Variants in INPP5F observed in about 807,000 individuals in gnomAD.
INPP5F encodes the protein phosphatidylinositide 4-phosphatase SAC2.
INPP5F carries 97 observed loss-of-function variants against 137.2 expected under a neutral mutation model. That is an observed-to-expected ratio of 0.71 (90% CI 0.60 to 0.84). The LOEUF is 0.84. Ranked by LOEUF, INPP5F falls within the 40% of genes least tolerant of loss-of-function variation. The pLI, the probability that INPP5F is intolerant of heterozygous loss-of-function variation, is 0.00. For synonymous variants in INPP5F, 504 were observed against 476.9 expected (o/e 1.06, Z -0.74); for missense variants, 1,271 against 1,371.9 (o/e 0.93, Z 1.16).
chr10:119,764,677 G>A (rs1044714075), intron 2 of INPP5F, among the ~76,000 whole-genome samples: 15 of 151,322 alleles, frequency 9.9e-5, no homozygotes, highest in Admixed American at 4.6e-4. Flanking sequence ...CGCCTCCCGG[G>A]TTCAAGCGAT....
chr10:119,771,834 T>G (rs1849344258), intron 2 of INPP5F, among the ~76,000 whole-genome samples: 1 of 119,676 alleles, frequency 8.4e-6, no homozygotes, highest in Admixed American at 9.2e-5. Context: ...CCATACTCCA[T>G]AAAGTATGGA....
intron 16 of INPP5F, among the ~76,000 whole-genome samples, chr10:119,822,086 C>G (rs1455938968): frequency 6.6e-6 from 1 of 151,964 alleles, no homozygotes; most frequent in Admixed American, 6.6e-5. Context: ...GACGGGGTTT[C>G]TCCGTGTTGG....
intron 2 of INPP5F, among the ~76,000 whole-genome samples, chr10:119,772,896 C>T (rs1192037673): frequency 3.3e-5 from 5 of 151,260 alleles, no homozygotes; most frequent in East Asian, 3.9e-4. Flanking sequence ...ATTATAGGCA[C>T]GCACCACCAT....
At chr10:119,778,763 T>C (rs1849607024) in intron 2 of INPP5F, among the ~76,000 whole-genome samples, 1 of 152,202 alleles carries the variant, frequency 6.6e-6, no homozygotes, top group Non-Finnish European at 1.5e-5. Context: ...CCAAATAGTT[T>C]TCTGAAGTTA....
intron 2 of INPP5F, among the ~76,000 whole-genome samples, chr10:119,753,256 T>G (rs543540110): frequency 6.6e-6 from 1 of 152,250 alleles, no homozygotes; most frequent in Non-Finnish European, 1.5e-5. Flanking sequence ...CAGTCACATC[T>G]TAGCACAGTG....
chr10:119,793,952 A>C (rs954069060), intron 6 of INPP5F, among the ~76,000 whole-genome samples: 3 of 152,244 alleles, frequency 2.0e-5, no homozygotes, highest in African/African-American at 7.2e-5. Context: ...GACCAGAAGA[A>C]GAAATCTTTA....
Position 119,804,172 on chromosome 10 carries a change from G to A in INPP5F, c.1117-1G>A. ...TTTTTTCTGTTTCTTTGCTCTTATA[G>A]GTTATTATTAACTTGGTAGACCAGG... is the stretch of plus-strand genomic sequence containing the variant. On this transcript the variant is annotated splice_acceptor_variant, in intron 9 of 19. Coordinates refer to ENST00000650623, the MANE Select transcript of INPP5F (RefSeq NM_014937.4). LOFTEE classifies it high-confidence loss of function. 1 of 1,601,156 alleles carries A rather than the reference G, an allele frequency of 6.2e-7. No individual in the cohort carries two copies. The highest frequency in any genetic ancestry group is 8.5e-7 in the Non-Finnish European group (1 of 1,172,952).
chr10:119,784,088 T>G (rs1849795938), intron 3 of INPP5F, among the ~76,000 whole-genome samples: 1 of 152,252 alleles, frequency 6.6e-6, no homozygotes, highest in Non-Finnish European at 1.5e-5. Context: ...GAACCACATG[T>G]TGAAAATCAC....
intron 2 of INPP5F, among the ~76,000 whole-genome samples, chr10:119,774,222 A>G (rs1252189300): frequency 7.1e-6 from 1 of 140,452 alleles, no homozygotes; most frequent in Non-Finnish European, 1.5e-5. Context: ...AGATCACGCC[A>G]CTGTACTCCA....
At chr10:119,733,917 G>A (rs1848154526) in intron 1 of INPP5F, among the ~76,000 whole-genome samples, 1 of 152,220 alleles carries the variant, frequency 6.6e-6, no homozygotes, top group South Asian at 2.1e-4. Flanking sequence ...TTTTGTGAAA[G>A]TTGTACTGAA....
At chr10:119,792,275 G>A (rs1008437853) in intron 6 of INPP5F, 62 bp downstream of exon 6, 9 of 1,189,068 alleles carry the variant, frequency 7.6e-6, no homozygotes, top group South Asian at 5.2e-5. Flanking sequence ...TTTCTAAAAC[G>A]TCTGGTTATA....
In INPP5F at chr10:119,792,955, A is replaced by G. The variant is rs142192834; in HGVS notation, c.669+742A>G. On this transcript the variant is annotated intron_variant, in intron 6 of 19. Coordinates refer to ENST00000650623, the MANE Select transcript of INPP5F (RefSeq NM_014937.4). ...TCCCCTTTAGTGGTGGTTAGTATCAATGATTTTCACATAATCTAGTGGTGT... is the reference window on the plus strand; with the variant it reads ...TCCCCTTTAGTGGTGGTTAGTATCAGTGATTTTCACATAATCTAGTGGTGT... Among the ~76,000 whole-genome samples the G allele has an allele frequency of 2.0e-3, 308 of 152,228 alleles. 1 individual carries two copies. The highest frequency in any genetic ancestry group is 7.0e-3 in the African/African-American group (290 of 41,528).
In INPP5F at chr10:119,805,834, G is replaced by A. The variant is rs545140150; in HGVS notation, c.1319+373G>A. 9.3e-4 allele frequency among the ~76,000 whole-genome samples: 142 copies of A among 152,292 alleles called. No homozygotes were observed. In the Middle Eastern group the frequency reaches 0.01, roughly 11 times the overall value. On this transcript the variant is annotated intron_variant, in intron 11 of 19. Coordinates refer to ENST00000650623, the MANE Select transcript of INPP5F (RefSeq NM_014937.4). The stretch of plus-strand genomic sequence containing the variant: ...TTTCAGGCATTTCAAAATTATCAGA[G>A]ACGGAAAATGATTCTGAGTACAGGA...
chr10:119,756,591 G>A (rs1247389700), intron 2 of INPP5F, among the ~76,000 whole-genome samples: 1 of 151,850 alleles, frequency 6.6e-6, no homozygotes, highest in Non-Finnish European at 1.5e-5. Context: ...AGCCAAGATC[G>A]CACCACTGCA....
intron 6 of INPP5F, among the ~76,000 whole-genome samples, chr10:119,794,060 T>C (rs1850239599): frequency 6.6e-6 from 1 of 152,194 alleles, no homozygotes; most frequent in African/African-American, 2.4e-5. Flanking sequence ...TGGGTGTTTC[T>C]CGCAGAGGGG....
Position 119,827,636 on chromosome 10 carries a change from C to T in INPP5F, c.3255C>T (p.Thr1085=), listed in dbSNP as rs759434252. 1.2e-6 allele frequency: 2 copies of T among 1,613,978 alleles called. No individual in the cohort carries two copies. Among genetic ancestry groups the T allele is most frequent in the African/African-American group, 2.7e-5 (2 of 74,888 alleles). ...RSSMVQVASI[T]QAGLTHGINF... Reference sequence around the variant, plus strand: ...CCATGGTCCAGGTTGCTAGTATTACCCAAGCTGGATTAACCCATGGGATAA... The same window carrying T: ...CCATGGTCCAGGTTGCTAGTATTACTCAAGCTGGATTAACCCATGGGATAA... The change falls in exon 20 of 20, where the codon ACC becomes ACT. Residue 1085 remains threonine (T), a synonymous_variant. Transcript: ENST00000650623.
In INPP5F at chr10:119,804,317, A is replaced by AT; in HGVS notation, c.1241+21dup. 2.5e-6 allele frequency: 4 copies of AT among 1,594,592 alleles called. No individual in the cohort carries two copies. The highest frequency in any genetic ancestry group is 3.4e-6 in the Non-Finnish European group (4 of 1,172,284). On this transcript the variant is annotated intron_variant, in intron 10 of 19. Transcript: ENST00000650623. ...GCACTGGTAAGATGGCTTTCGGAGAATAGTGTTGATCAATTGCAGTGTTTT... is the reference window on the plus strand; with the variant it reads ...GCACTGGTAAGATGGCTTTCGGAGAATTAGTGTTGATCAATTGCAGTGTTTT...
intron 6 of INPP5F, among the ~76,000 whole-genome samples, chr10:119,793,104 C>T (rs1365421540): frequency 1.3e-5 from 2 of 152,176 alleles, no homozygotes; most frequent in Non-Finnish European, 2.9e-5. Context: ...AAAGCAGGGG[C>T]ATCTGTAATG....
Position 119,827,566 on chromosome 10 carries a change from G to A in INPP5F, c.3185G>A (p.Ser1062Asn), listed in dbSNP as rs373999944. ...GLHVTPSPSESSSSRAVSPFA... is the reference protein window; with the variant it reads ...GLHVTPSPSENSSSRAVSPFA... Reference sequence around the variant, plus strand: ...CATGTAACTCCTTCTCCTTCAGAGAGCAGTAGCAGCAGAGCAGTCTCTCCC... The same window carrying A: ...CATGTAACTCCTTCTCCTTCAGAGAACAGTAGCAGCAGAGCAGTCTCTCCC... Residue 1062 changes from serine to asparagine, a missense_variant, in exon 20 of 20, where the codon AGC (serine) becomes AAC (asparagine). This residue lies in a region of INPP5F where 490 missense variants were observed against 443.7 expected (regional missense o/e 1.10). Coordinates refer to ENST00000650623, the MANE Select transcript of INPP5F (RefSeq NM_014937.4). The A allele has an allele frequency of 1.9e-6, 3 of 1,614,160 alleles. No individual in the cohort carries two copies. Among genetic ancestry groups the A allele is most frequent in the Non-Finnish European group, 2.5e-6 (3 of 1,180,026 alleles).
Sources: allele counts gnomAD v4.1 joint callset (sites outside exome capture counted in the v4.1 genomes callset), GRCh38; gene constraint gnomAD v4.1.1; regional missense constraint gnomAD v4.1.1; transcripts MANE v1.5; gene names NCBI Gene and HGNC (gene_info 2026-07-23, HGNC 2026-07-21).